Variants in B4GALT6 observed in about 807,000 individuals in gnomAD.
The protein encoded by B4GALT6 is UDP-Gal:beta-GlcNAc beta-1,4-galactosyltransferase 6.
Under a neutral mutation model 46.3 loss-of-function variants are expected in B4GALT6, and 14 were observed. That is an observed-to-expected ratio of 0.30 (90% CI 0.20 to 0.47). B4GALT6 has a LOEUF of 0.47. Ranked by LOEUF, B4GALT6 falls within the 20% of genes least tolerant of loss-of-function variation. B4GALT6 has a pLI of 0.99. For missense variants in B4GALT6, 386 were observed against 480.1 expected (o/e 0.80, Z 1.83); for synonymous variants, 168 against 162.0 (o/e 1.04, Z -0.28).
chr18:31,652,216 C>T (rs1453259460), intron 3 of B4GALT6, among the ~76,000 whole-genome samples: 4 of 152,212 alleles, frequency 2.6e-5, no homozygotes, highest in Non-Finnish European at 5.9e-5. Context: ...ATTTCACCTA[C>T]AGTCTACATA....
intron 4 of B4GALT6, among the ~76,000 whole-genome samples, chr18:31,643,841 T>G (rs977882806): frequency 6.6e-6 from 1 of 152,186 alleles, no homozygotes; most frequent in African/African-American, 2.4e-5. Flanking sequence ...AGAGCACACC[T>G]GAGGGGTGTG....
At chr18:31,679,327 T>C (rs2074452074) in intron 1 of B4GALT6, among the ~76,000 whole-genome samples, 1 of 152,218 alleles carries the variant, frequency 6.6e-6, no homozygotes, top group Non-Finnish European at 1.5e-5. Context: ...CCATGGGATT[T>C]GGATTAGTTT....
In B4GALT6 at chr18:31,627,091, T is replaced by G. The variant is rs1057394568; in HGVS notation, c.807A>C (p.Val269=). Residue 269 remains valine (V), a synonymous_variant, in exon 7 of 9, where the codon GTA becomes GTC. Transcript: ENST00000306851. The stretch of plus-strand genomic sequence containing the variant: ...TAAATTGTTCCACTGTCAGCCCACT[T>G]ACACCACCAAAAAATTCTTTATATG... ...ILPYKEFFGG[V]SGLTVEQFRK... 6.2e-7 allele frequency: 1 copy of G among 1,607,988 alleles called. No individual in the cohort carries two copies. The highest frequency in any genetic ancestry group is 8.5e-7 in the Non-Finnish European group (1 of 1,177,724).
upstream of B4GALT6, among the ~76,000 whole-genome samples, chr18:31,685,047 C>T (rs1288930157): frequency 6.9e-6 from 1 of 145,968 alleles, no homozygotes; most frequent in Non-Finnish European, 1.5e-5. Context: ...CCCTCGGGGC[C>T]GAGGAGCTGG....
chr18:31,707,543 C>T, the B4GALT6 span, among the ~76,000 whole-genome samples: 3 of 152,172 alleles, frequency 2.0e-5, no homozygotes, highest in African/African-American at 7.2e-5. Flanking sequence ...TAAACATGTG[C>T]TATCTGTAAT....
At chr18:31,642,837 A>G (rs573981744) in intron 4 of B4GALT6, among the ~76,000 whole-genome samples, 1 of 152,310 alleles carries the variant, frequency 6.6e-6, no homozygotes, top group South Asian at 2.1e-4. Context: ...AGCCTGCACC[A>G]CCACGCCCGG....
Position 31,628,128 on chromosome 18 carries a change from G to A in B4GALT6, c.777-1007C>T, listed in dbSNP as rs147746422. Among the ~76,000 whole-genome samples the A allele has an allele frequency of 9.7e-4, 148 of 152,330 alleles. 1 individual carries two copies. Among genetic ancestry groups the A allele is most frequent in the African/African-American group, 3.3e-3 (138 of 41,572 alleles). ...GACTGGTTCTTTCATGGAAGCCTAG[G>A]GTTGTAGGAGAAAGCAGTCTTGCCC... On this transcript the variant is annotated intron_variant, in intron 6 of 8. Transcript: ENST00000306851.
At chr18:31,678,151 A>G (rs71361333) in intron 1 of B4GALT6, among the ~76,000 whole-genome samples, 14,065 of 152,196 alleles carry the variant, frequency 0.092, 835 homozygotes, top group Middle Eastern at 0.15. Flanking sequence ...AGCACTGAGT[A>G]ACAGTGTTTA....
At chr18:31,673,601 G>A (rs564948410) in intron 1 of B4GALT6, among the ~76,000 whole-genome samples, 1 of 152,298 alleles carries the variant, frequency 6.6e-6, no homozygotes, top group Admixed American at 6.5e-5. Flanking sequence ...AGCAGAAGAT[G>A]AACTAACATT....
chr18:31,639,880 C>G (rs1028832376), intron 4 of B4GALT6, among the ~76,000 whole-genome samples: 2 of 152,078 alleles, frequency 1.3e-5, no homozygotes, highest in Non-Finnish European at 2.9e-5. Context: ...TAATTCAAAT[C>G]CTCTATTTCT....
the B4GALT6 span, among the ~76,000 whole-genome samples, chr18:31,723,370 G>C: frequency 6.6e-6 from 1 of 152,140 alleles, no homozygotes; most frequent in Non-Finnish European, 1.5e-5. Context: ...AGTCAGCTGG[G>C]TTCTAGTTAT....
chr18:31,635,090 G>A (rs2073841398), intron 5 of B4GALT6, among the ~76,000 whole-genome samples: 1 of 152,100 alleles, frequency 6.6e-6, no homozygotes. Flanking sequence ...AATTAGCTGG[G>A]TGTGGTGGCA....
the B4GALT6 span, among the ~76,000 whole-genome samples, chr18:31,701,517 T>G: frequency 6.6e-6 from 1 of 152,204 alleles, no homozygotes; most frequent in Non-Finnish European, 1.5e-5. Context: ...AGTGGCATTT[T>G]TTTCAAGTCA....
intron 1 of B4GALT6, among the ~76,000 whole-genome samples, chr18:31,680,837 T>C (rs542273719): frequency 6.6e-6 from 1 of 152,344 alleles, no homozygotes; most frequent in East Asian, 1.9e-4. Context: ...TTTCAAAACC[T>C]GGCCCATGTG....
At position 31,622,780 on chromosome 18, in the gene B4GALT6, T is replaced by C. The variant is rs2073634164; in HGVS notation, c.*2834A>G. 6.6e-6 allele frequency: 1 copy of C among 152,066 alleles called. No individual in the cohort carries two copies. Among genetic ancestry groups the C allele is most frequent in the Non-Finnish European group, 1.5e-5 (1 of 67,934 alleles). 9.4% of individuals were successfully genotyped at this position (152,066 alleles called of 1,614,324 possible). A position where few individuals can be genotyped will look rare whatever the true frequency, so the allele number is the denominator to read the frequency against. ...TAAAAAATACTCATAAAACCCTAGT[T>C]TTAGCAAAGAATTAACTATCTCCAC... is the stretch of plus-strand genomic sequence containing the variant. On this transcript the variant is annotated 3_prime_UTR_variant, in exon 9 of 9. Transcript: ENST00000306851.
Position 31,628,646 on chromosome 18 carries a change from C to G in B4GALT6, c.777-1525G>C, listed in dbSNP as rs1445719872. 3.9e-5 allele frequency among the ~76,000 whole-genome samples: 6 copies of G among 152,146 alleles called. No individual in the cohort carries two copies. In the East Asian group the frequency reaches 1.2e-3, roughly 29 times the overall value. The stretch of plus-strand genomic sequence containing the variant: ...CACCTGAGAGTCTGAGTTCTCTGGT[C>G]AGCAGTAGTGTGGCCATCACTGTGG... On this transcript the variant is annotated intron_variant, in intron 6 of 8. Coordinates refer to ENST00000306851, the MANE Select transcript of B4GALT6 (RefSeq NM_004775.5).
chr18:31,688,443 C>G (rs548405084), upstream of B4GALT6, among the ~76,000 whole-genome samples: 1 of 151,692 alleles, frequency 6.6e-6, no homozygotes, highest in African/African-American at 2.4e-5. Context: ...AATATGATCA[C>G]TTTAAAGCCA....
the B4GALT6 span, among the ~76,000 whole-genome samples, chr18:31,691,926 AG>A: frequency 6.7e-6 from 1 of 150,070 alleles, no homozygotes; most frequent in Non-Finnish European, 1.5e-5. Context: ...AAAGAGAGAA[AG>A]AAACTGACCT....
At chr18:31,699,606 G>T in the B4GALT6 span, among the ~76,000 whole-genome samples, 2 of 129,872 alleles carry the variant, frequency 1.5e-5, no homozygotes, top group African/African-American at 2.9e-5. Flanking sequence ...AAAGAAATCA[G>T]GAAATACACT....
Sources: allele counts gnomAD v4.1 joint callset (sites outside exome capture counted in the v4.1 genomes callset), GRCh38; gene constraint gnomAD v4.1.1; transcripts MANE v1.5; gene names NCBI Gene and HGNC (gene_info 2026-07-23, HGNC 2026-07-21).